Variants in ZRANB3 observed in about 807,000 individuals in gnomAD.
ZRANB3 encodes DNA annealing helicase and endonuclease ZRANB3.
A neutral mutation model predicts 133.8 loss-of-function variants in ZRANB3; 125 were observed. That is an observed-to-expected ratio of 0.93 (90% CI 0.81 to 1.08). ZRANB3 has a LOEUF of 1.08. Among genes scored for constraint, ZRANB3 ranks in the 50% least tolerant of loss-of-function variants. The pLI, the probability that ZRANB3 is intolerant of heterozygous loss-of-function variation, is 0.00. For synonymous variants in ZRANB3, 387 were observed against 432.7 expected, an observed-to-expected ratio of 0.89 and a Z score of 1.31; for missense variants, 1,229 against 1,275.5, an observed-to-expected ratio of 0.96 and a Z score of 0.56.
In ZRANB3 at chr2:135,313,620, AT is replaced by A; in HGVS notation, c.850-16del. ...GTATTCAATTCCTATGTGGGAAAAA[AT>A]AACACTGTTTATGAATATAGCATAA... On this transcript the variant is annotated splice_polypyrimidine_tract_variant and intron_variant, in intron 7 of 20. Transcript: ENST00000264159. 6.5e-7 allele frequency: 1 copy of A among 1,527,564 alleles called. No homozygotes were observed. Among genetic ancestry groups the A allele is most frequent in the Non-Finnish European group, 9.1e-7 (1 of 1,103,112 alleles). 94.6% of individuals were successfully genotyped at this position (1,527,564 alleles called of 1,614,324 possible).
intron 2 of ZRANB3, among the ~76,000 whole-genome samples, chr2:135,421,453 T>C (rs1368497046): frequency 6.6e-6 from 1 of 152,184 alleles, no homozygotes; most frequent in Non-Finnish European, 1.5e-5. Flanking sequence ...TGTAGTCAAA[T>C]ATGGTATGAA....
intron 6 of ZRANB3, among the ~76,000 whole-genome samples, chr2:135,337,883 A>G (rs146185557): frequency 2.3e-4 from 35 of 152,342 alleles, no homozygotes; most frequent in Middle Eastern, 3.4e-3. Flanking sequence ...TTCACTTAAT[A>G]TAAGAAGAAT....
intron 2 of ZRANB3, among the ~76,000 whole-genome samples, chr2:135,426,852 AAAAAAAAAAAAATATATATATATATAT>A (rs1689099413): frequency 4.9e-5 from 3 of 60,844 alleles, no homozygotes; most frequent in Non-Finnish European, 7.8e-5. Context: ...AAAAAAAAAA[AAAAAAAAAAAAATATATATATATATAT>A]ATATATATAT....
At chr2:135,466,922 G>A (rs1691025567) in intron 2 of ZRANB3, among the ~76,000 whole-genome samples, 1 of 152,134 alleles carries the variant, frequency 6.6e-6, no homozygotes, top group South Asian at 2.1e-4. Flanking sequence ...GCCTCCCATA[G>A]TGCTGGGATT....
intron 12 of ZRANB3, among the ~76,000 whole-genome samples, chr2:135,262,623 CAT>C (rs57495412): frequency 0.1 from 15,826 of 151,732 alleles, 1,075 homozygotes; most frequent in South Asian, 0.32. Flanking sequence ...CTCTATGAAA[CAT>C]AAAAAATTAG....
At chr2:135,394,010 A>C in intron 2 of ZRANB3, among the ~76,000 whole-genome samples, 1 of 151,546 alleles carries the variant, frequency 6.6e-6, no homozygotes, top group Non-Finnish European at 1.5e-5. Context: ...GGCGCCCGCC[A>C]CCATGCCCAG....
At chr2:135,477,191 A>T (rs61158895) in intron 2 of ZRANB3, among the ~76,000 whole-genome samples, 8,408 of 152,268 alleles carry the variant, frequency 0.055, 445 homozygotes, top group African/African-American at 0.14. Context: ...CATACACATA[A>T]CCAGAAAGAG....
At chr2:135,374,226 C>T (rs947018734) in intron 3 of ZRANB3, among the ~76,000 whole-genome samples, 3 of 151,990 alleles carry the variant, frequency 2.0e-5, no homozygotes, top group African/African-American at 4.8e-5. Context: ...AGCGAACATG[C>T]GAAATCCCGT....
intron 12 of ZRANB3, among the ~76,000 whole-genome samples, chr2:135,255,778 GA>G (rs2105100543): frequency 6.6e-6 from 1 of 152,160 alleles, no homozygotes; most frequent in African/African-American, 2.4e-5. Flanking sequence ...CCAGGATTTC[GA>G]GGCTGCAGTG....
At position 135,270,628 on chromosome 2, in the gene ZRANB3, G is replaced by A. The variant is rs139549930; in HGVS notation, c.1206+1140C>T. ...AACAGTCTAACAGATAAATAACTCC[G>A]ATTATTGGAAGTTTAACTGAACATG... On this transcript the variant is annotated intron_variant, in intron 10 of 20. Transcript: ENST00000264159. 1.6e-4 allele frequency among the ~76,000 whole-genome samples: 24 copies of A among 152,162 alleles called. No individual in the cohort carries two copies. The East Asian group carries it at 2.3e-3, about 15-fold the overall frequency.
At chr2:135,513,221 T>C (rs144476848) in intron 1 of ZRANB3, among the ~76,000 whole-genome samples, 1 of 152,268 alleles carries the variant, frequency 6.6e-6, no homozygotes, top group African/African-American at 2.4e-5. Context: ...GATTCTAAAA[T>C]TCATATGGAA....
At chr2:135,304,223 T>C (rs1682575250) in intron 8 of ZRANB3, among the ~76,000 whole-genome samples, 1 of 152,204 alleles carries the variant, frequency 6.6e-6, no homozygotes, top group Admixed American at 6.5e-5. Context: ...AAGTATGATG[T>C]TAGATGTAAG....
chr2:135,462,204 C>G (rs1214212605), intron 2 of ZRANB3, among the ~76,000 whole-genome samples: 1 of 152,172 alleles, frequency 6.6e-6, no homozygotes, highest in African/African-American at 2.4e-5. Flanking sequence ...CATAAAGGCA[C>G]TGATGGACAC....
At chr2:135,414,523 C>T (rs1688462390) in intron 2 of ZRANB3, among the ~76,000 whole-genome samples, 1 of 152,160 alleles carries the variant, frequency 6.6e-6, no homozygotes, top group African/African-American at 2.4e-5. Context: ...TAACACCCCA[C>T]TGTCAACACT....
intron 12 of ZRANB3, among the ~76,000 whole-genome samples, chr2:135,259,646 G>A (rs1679847031): frequency 2.0e-5 from 3 of 151,868 alleles, no homozygotes; most frequent in Admixed American, 2.0e-4. Context: ...TTGAACTCTC[G>A]ACCTCAGCTG....
chr2:135,408,753 C>A (rs950038830), intron 2 of ZRANB3, among the ~76,000 whole-genome samples: 1 of 151,698 alleles, frequency 6.6e-6, no homozygotes, highest in Non-Finnish European at 1.5e-5. Flanking sequence ...CATGTTCTCA[C>A]TCATAGGTGG....
intron 2 of ZRANB3, among the ~76,000 whole-genome samples, chr2:135,443,126 A>C (rs1347584704): frequency 6.8e-5 from 9 of 132,364 alleles, no homozygotes; most frequent in Admixed American, 6.5e-4. Flanking sequence ...AAAAAAAAAA[A>C]GAAAGAAAAA....
chr2:135,260,082 C>T (rs1323269175), intron 12 of ZRANB3, among the ~76,000 whole-genome samples: 1 of 152,170 alleles, frequency 6.6e-6, no homozygotes, highest in Non-Finnish European at 1.5e-5. Context: ...TTGAACACTC[C>T]ACTCAGCTTG....
At chr2:135,393,180 T>A (rs1159967866) in intron 2 of ZRANB3, among the ~76,000 whole-genome samples, 2 of 151,988 alleles carry the variant, frequency 1.3e-5, no homozygotes, top group Non-Finnish European at 2.9e-5. Flanking sequence ...AATAAATATC[T>A]TTACAAAAAA....
Sources: gnomAD v4.1 joint callset for allele counts (sites outside exome capture counted in the v4.1 genomes callset) on GRCh38, gnomAD v4.1.1 for gene constraint, MANE v1.5 for transcripts, NCBI Gene and HGNC (gene_info 2026-07-23, HGNC 2026-07-21) for gene names.